Variants in FABP6 observed in about 807,000 individuals in gnomAD.
FABP6 encodes fatty acid binding protein 6, also known as gastrotropin.
Under a neutral mutation model 14.9 loss-of-function variants are expected in FABP6, and 13 were observed. The observed-to-expected ratio is 0.87, with a 90% CI of 0.57 to 1.39. The LOEUF (loss-of-function observed/expected upper bound fraction) is 1.39, where lower values mean the gene tolerates loss of function less well. Ranked by LOEUF, FABP6 falls within the 40% of genes most tolerant of loss-of-function variation. The pLI is 0.00. For synonymous variants in FABP6, 75 were observed against 63.6 expected, an observed-to-expected ratio of 1.18 and a Z score of -0.85; for missense variants, 161 against 167.2, an observed-to-expected ratio of 0.96 and a Z score of 0.20.
chr5:160,191,504 C>T (rs1041274746), intron 1 of FABP6, among the ~76,000 whole-genome samples: 3 of 152,082 alleles, frequency 2.0e-5, no homozygotes, highest in Non-Finnish European at 4.4e-5. Context: ...TACTAGGGCT[C>T]TGTGCCACCT....
chr5:160,204,428 G>A (rs1383452699), intron 2 of FABP6, among the ~76,000 whole-genome samples: 2 of 152,130 alleles, frequency 1.3e-5, no homozygotes, highest in Non-Finnish European at 2.9e-5. Context: ...ATGCATGAAC[G>A]TGCTCAGCCC....
chr5:160,217,377 A>G (rs1421754680), intron 3 of FABP6, among the ~76,000 whole-genome samples: 2 of 152,186 alleles, frequency 1.3e-5, no homozygotes, highest in African/African-American at 4.8e-5. Flanking sequence ...TCACCAAGGG[A>G]ATGAGGGCTC....
At chr5:160,203,370 C>A (rs992708815) in intron 2 of FABP6, among the ~76,000 whole-genome samples, 2 of 152,176 alleles carry the variant, frequency 1.3e-5, no homozygotes, top group Non-Finnish European at 2.9e-5. Flanking sequence ...CTGTGAATAT[C>A]CTATTTTTTG....
intron 1 of FABP6, among the ~76,000 whole-genome samples, chr5:160,230,352 T>C (rs999876075): frequency 8.6e-5 from 13 of 151,898 alleles, no homozygotes; most frequent in Admixed American, 2.6e-4. Flanking sequence ...TAGTCAAACA[T>C]GTATTTATTT....
intron 2 of FABP6, among the ~76,000 whole-genome samples, chr5:160,208,782 CTTTTT>C (rs57422043): frequency 7.0e-6 from 1 of 142,356 alleles, no homozygotes; most frequent in African/African-American, 2.6e-5. Context: ...TCTTTCTTTT[CTTTTT>C]TTTTTTTTGT....
At chr5:160,234,301 C>T (rs1237176839) in intron 2 of FABP6, among the ~76,000 whole-genome samples, 2 of 152,032 alleles carry the variant, frequency 1.3e-5, no homozygotes, top group African/African-American at 2.4e-5. Flanking sequence ...ACTTTGTCTC[C>T]TTGCAGTCAG....
At chr5:160,233,765 C>T (rs1208851879) in intron 2 of FABP6, among the ~76,000 whole-genome samples, 2 of 151,776 alleles carry the variant, frequency 1.3e-5, no homozygotes, top group African/African-American at 2.4e-5. Context: ...CCCAGCTACT[C>T]GGGAGGCTGA....
At chr5:160,217,378 A>G (rs2113114486) in intron 3 of FABP6, among the ~76,000 whole-genome samples, 1 of 152,324 alleles carries the variant, frequency 6.6e-6, no homozygotes, top group South Asian at 2.1e-4. Context: ...CACCAAGGGA[A>G]TGAGGGCTCA....
intron 3 of FABP6, among the ~76,000 whole-genome samples, chr5:160,217,032 A>G (rs1003138245): frequency 3.3e-5 from 5 of 152,116 alleles, no homozygotes; most frequent in African/African-American, 9.7e-5. Context: ...CATCTACATG[A>G]TGGGGGTAAT....
At chr5:160,201,906 G>A (rs1025997097) in intron 2 of FABP6, among the ~76,000 whole-genome samples, 1 of 152,146 alleles carries the variant, frequency 6.6e-6, no homozygotes, top group African/African-American at 2.4e-5. Context: ...GGGACTGCAG[G>A]TGCACACCAC....
chr5:160,189,499 T>C (rs2113046692), intron 1 of FABP6, among the ~76,000 whole-genome samples: 1 of 152,292 alleles, frequency 6.6e-6, no homozygotes, highest in South Asian at 2.1e-4. Context: ...CACCTCAGTC[T>C]CCCAAAGTGT....
intron 2 of FABP6, 88 bp from the exon 3 acceptor site, chr5:160,234,732 A>C: frequency 9.6e-7 from 1 of 1,042,262 alleles, no homozygotes; most frequent in Non-Finnish European, 1.4e-6. Flanking sequence ...TGGCCTTGGT[A>C]AATTCTTCTT....
chr5:160,209,706 G>C (rs7720932), intron 2 of FABP6, among the ~76,000 whole-genome samples: 2 of 151,620 alleles, frequency 1.3e-5, no homozygotes, highest in Admixed American at 6.6e-5. Context: ...CGTCTTTTTT[G>C]TCTTTTTTTC....
chr5:160,221,392 G>A (rs1760125444), intron 3 of FABP6, among the ~76,000 whole-genome samples: 1 of 152,146 alleles, frequency 6.6e-6, no homozygotes, highest in Non-Finnish European at 1.5e-5. Flanking sequence ...CAGAAAGACT[G>A]ATGAAAGGTG....
chr5:160,223,265 G>A (rs954248293), intron 3 of FABP6, among the ~76,000 whole-genome samples: 2 of 152,030 alleles, frequency 1.3e-5, no homozygotes, highest in African/African-American at 4.8e-5. Context: ...AGCAATCTTT[G>A]ATGTTACCAT....
intron 3 of FABP6, among the ~76,000 whole-genome samples, chr5:160,217,236 G>A (rs1200145269): frequency 1.3e-5 from 2 of 152,180 alleles, no homozygotes; most frequent in African/African-American, 4.8e-5. Flanking sequence ...GTTAGAAATG[G>A]CATAAGGCAT....
chr5:160,192,251 T>G (rs1759408846), intron 1 of FABP6, among the ~76,000 whole-genome samples: 1 of 152,190 alleles, frequency 6.6e-6, no homozygotes, highest in Non-Finnish European at 1.5e-5. Context: ...AATCTTGAAC[T>G]CCTGGGCTCA....
intron 1 of FABP6, among the ~76,000 whole-genome samples, chr5:160,230,388 T>C (rs976546559): frequency 5.3e-5 from 8 of 151,734 alleles, no homozygotes; most frequent in African/African-American, 1.7e-4. Flanking sequence ...TGAGACGGAG[T>C]CTTGCTCTGT....
chr5:160,206,157 G>A (rs568246997), intron 2 of FABP6, among the ~76,000 whole-genome samples: 1 of 152,282 alleles, frequency 6.6e-6, no homozygotes, highest in South Asian at 2.1e-4. Context: ...AAGCAGGCTG[G>A]GCGTGGTGGC....
Sources: allele counts gnomAD v4.1 joint callset (sites outside exome capture counted in the v4.1 genomes callset), GRCh38; gene constraint gnomAD v4.1.1; transcripts MANE v1.5; gene names NCBI Gene and HGNC (gene_info 2026-07-23, HGNC 2026-07-21).